The following NDST3 variants were observed in gnomAD, a reference collection of about 807,000 sequenced individuals.
NDST3 encodes the protein N-deacetylase and N-sulfotransferase 3.
A neutral mutation model predicts 96.1 loss-of-function variants in NDST3; 58 were observed. The ratio of observed to expected loss-of-function variants is 0.60; its 90% CI spans 0.49 to 0.75. The LOEUF is 0.75. Among genes scored for constraint, NDST3 ranks in the 30% least tolerant of loss-of-function variants. The pLI is 0.00. For missense variants in NDST3, 788 were observed against 1,034.2 expected, an observed-to-expected ratio of 0.76 and a Z score of 3.27; for synonymous variants, 333 against 359.7, an observed-to-expected ratio of 0.93 and a Z score of 0.84.
At position 118,138,107 on chromosome 4, in the gene NDST3, C is replaced by T. The variant is rs767900257; in HGVS notation, c.1278C>T (p.Gly426=). The T allele has an allele frequency of 1.1e-5, 17 of 1,613,610 alleles. No individual in the cohort carries two copies. The highest frequency in any genetic ancestry group is 1.4e-5 in the Non-Finnish European group (16 of 1,179,736). ...ACGCTGTGGCCCCTCACCATTCGGG[C>T]GTCTACCCTGTACATGTTCAGCTTT... The part of the protein sequence containing the change: ...MGYAVAPHHS[G]VYPVHVQLYE... Residue 426 remains glycine, a synonymous_variant, in exon 5 of 14, where the codon GGC becomes GGT. Transcript: ENST00000296499.
At chr4:118,210,065 C>A (rs1406460304) in intron 6 of NDST3, among the ~76,000 whole-genome samples, 2 of 152,088 alleles carry the variant, frequency 1.3e-5, no homozygotes, top group African/African-American at 4.8e-5. Flanking sequence ...CTAACACCTA[C>A]CCACACCCAG....
intron 6 of NDST3, among the ~76,000 whole-genome samples, chr4:118,204,015 C>T (rs1174123117): frequency 6.6e-6 from 1 of 152,148 alleles, no homozygotes; most frequent in Non-Finnish European, 1.5e-5. Context: ...GTAACTAGAT[C>T]CAAGCCAGTT....
intron 6 of NDST3, among the ~76,000 whole-genome samples, chr4:118,196,740 T>C (rs1347738888): frequency 3.3e-5 from 5 of 152,030 alleles, no homozygotes; most frequent in East Asian, 1.9e-4. Context: ...TCTTTTTTTT[T>C]CTTAGGCAAG....
In NDST3 at chr4:118,245,947, T is replaced by C. The variant is rs73843412; in HGVS notation, c.2399+3798T>C. On this transcript the variant is annotated intron_variant, in intron 12 of 13. Coordinates refer to ENST00000296499, the MANE Select transcript of NDST3 (RefSeq NM_004784.3). ...CAATCAGTTATCTCTGGAACCTACA[T>C]TGCCAACCTGTTAAGCTCTTCATAT... is the stretch of plus-strand genomic sequence containing the variant. 4.3e-3 allele frequency among the ~76,000 whole-genome samples: 653 copies of C among 152,266 alleles called. 3 individuals are homozygous for C. The highest frequency in any genetic ancestry group is 0.015 in the African/African-American group (614 of 41,552).
chr4:118,162,939 A>G (rs1470004505), intron 6 of NDST3, among the ~76,000 whole-genome samples: 1 of 148,676 alleles, frequency 6.7e-6, no homozygotes, highest in Non-Finnish European at 1.5e-5. Flanking sequence ...AAGTGGGCAA[A>G]GGACATGAAC....
intron 6 of NDST3, among the ~76,000 whole-genome samples, chr4:118,177,896 C>T (rs958612262): frequency 6.6e-6 from 1 of 151,786 alleles, no homozygotes; most frequent in Non-Finnish European, 1.5e-5. Flanking sequence ...GAAGAATAAT[C>T]CTGGAATGTT....
At chr4:118,213,422 T>C (rs1406559294) in intron 6 of NDST3, among the ~76,000 whole-genome samples, 1 of 152,154 alleles carries the variant, frequency 6.6e-6, no homozygotes, top group Non-Finnish European at 1.5e-5. Flanking sequence ...CCCAGGAATA[T>C]AGTCAGATAC....
At chr4:118,154,280 T>A (rs1425738330) in intron 6 of NDST3, among the ~76,000 whole-genome samples, 1 of 152,240 alleles carries the variant, frequency 6.6e-6, no homozygotes, top group African/African-American at 2.4e-5. Flanking sequence ...ATTATTTGTG[T>A]GTGCATCTTT....
At chr4:118,164,005 C>G (rs572581342) in intron 6 of NDST3, among the ~76,000 whole-genome samples, 1 of 151,894 alleles carries the variant, frequency 6.6e-6, no homozygotes, top group Non-Finnish European at 1.5e-5. Flanking sequence ...AGATACATAC[C>G]CAAAGGAATA....
chr4:118,046,276 T>A (rs1382379755), intron 1 of NDST3, among the ~76,000 whole-genome samples: 3 of 152,168 alleles, frequency 2.0e-5, no homozygotes, highest in Admixed American at 6.6e-5. Context: ...GGACACTTGA[T>A]CTGACAAGGG....
chr4:118,155,098 TAAGAC>T (rs1039567668), intron 6 of NDST3, among the ~76,000 whole-genome samples: 1 of 152,238 alleles, frequency 6.6e-6, no homozygotes, highest in Non-Finnish European at 1.5e-5. Context: ...TATAAAATGG[TAAGAC>T]TTTTAAATTT....
intron 1 of NDST3, among the ~76,000 whole-genome samples, chr4:118,049,578 A>T (rs1045989168): frequency 1.1e-4 from 17 of 152,034 alleles, no homozygotes; most frequent in Admixed American, 3.3e-4. Flanking sequence ...AAATATCCTT[A>T]AAAATACTAT....
At chr4:118,220,416 C>A (rs1283947727) in intron 6 of NDST3, among the ~76,000 whole-genome samples, 2 of 151,492 alleles carry the variant, frequency 1.3e-5, no homozygotes, top group Non-Finnish European at 2.9e-5. Flanking sequence ...AACACATGGA[C>A]ACAGGGAGGG....
At chr4:118,050,036 C>T (rs1724992026) in intron 1 of NDST3, among the ~76,000 whole-genome samples, 1 of 152,018 alleles carries the variant, frequency 6.6e-6, no homozygotes, top group Non-Finnish European at 1.5e-5. Flanking sequence ...TAATATGCCA[C>T]AATCAAGTCA....
intron 6 of NDST3, among the ~76,000 whole-genome samples, chr4:118,224,180 G>C (rs755676705): frequency 6.6e-6 from 1 of 152,028 alleles, no homozygotes; most frequent in African/African-American, 2.4e-5. Flanking sequence ...GAAATATACA[G>C]GTTGTTATTC....
At chr4:118,078,684 G>T (rs796286677) in intron 2 of NDST3, among the ~76,000 whole-genome samples, 9 of 151,936 alleles carry the variant, frequency 5.9e-5, no homozygotes, top group African/African-American at 2.2e-4. Flanking sequence ...GAGAGGCAGG[G>T]GTTGCAGTGA....
intron 1 of NDST3, among the ~76,000 whole-genome samples, chr4:118,040,420 A>G (rs1444341311): frequency 1.3e-5 from 2 of 152,138 alleles, no homozygotes; most frequent in African/African-American, 2.4e-5. Flanking sequence ...GGTGCTGGTT[A>G]TGCCTCTGAT....
chr4:118,073,988 T>A (rs1326804923), intron 2 of NDST3, among the ~76,000 whole-genome samples: 5 of 152,182 alleles, frequency 3.3e-5, no homozygotes, highest in Non-Finnish European at 7.3e-5. Flanking sequence ...TTGTTCTCAT[T>A]ATTTTCAAAT....
chr4:118,040,534 A>G (rs1160676492), intron 1 of NDST3, among the ~76,000 whole-genome samples: 1 of 152,142 alleles, frequency 6.6e-6, no homozygotes, highest in African/African-American at 2.4e-5. Context: ...TAAAATGCTC[A>G]TAGCTATCCC....
Sources: gnomAD v4.1 joint callset for allele counts (sites outside exome capture counted in the v4.1 genomes callset) on GRCh38, gnomAD v4.1.1 for gene constraint, MANE v1.5 for transcripts, NCBI Gene and HGNC (gene_info 2026-07-23, HGNC 2026-07-21) for gene names.